Variants in TGIF1 observed in about 807,000 individuals in gnomAD.
The protein encoded by TGIF1 is TGFB induced factor homeobox 1.
In TGIF1, 4 loss-of-function variants were observed where a neutral mutation model predicts 19.3. The ratio of observed to expected loss-of-function variants is 0.21; its 90% confidence interval spans 0.10 to 0.47. The LOEUF is 0.47. TGIF1 is among the 20% of genes least tolerant of loss of function. The probability of loss-of-function intolerance (pLI) is 0.98; values close to 1 mark genes in which losing one functional copy is unlikely to be tolerated. For synonymous variants in TGIF1, 122 were observed against 129.3 expected (o/e 0.94, Z 0.38); for missense variants, 275 against 341.4 (o/e 0.81, Z 1.53).
At chr18:3,427,305 T>C (rs74340893) in intron 2 of TGIF1, among the ~76,000 whole-genome samples, 1 of 149,292 alleles carries the variant, frequency 6.7e-6, no homozygotes, top group Admixed American at 6.7e-5. Context: ...TTTTTTTTTT[T>C]CTTTGAGATG....
intron 2 of TGIF1, among the ~76,000 whole-genome samples, chr18:3,434,947 C>T (rs1415619007): frequency 6.6e-6 from 1 of 152,136 alleles, no homozygotes; most frequent in African/African-American, 2.4e-5. Flanking sequence ...AGTCTTCATT[C>T]TGGCATGGAC....
intron 1 of TGIF1, chr18:3,453,794 G>A: frequency 5.1e-6 from 5 of 985,092 alleles, no homozygotes; most frequent in Non-Finnish European, 6.0e-6. Flanking sequence ...CCTTGTATGT[G>A]GATAGCGTGA....
At chr18:3,446,751 C>T (rs2082753038), upstream of TGIF1, among the ~76,000 whole-genome samples, 1 of 152,150 alleles carries the variant, frequency 6.6e-6, no homozygotes, top group South Asian at 2.1e-4. Context: ...CAGTCCAAGA[C>T]CCTCTGACCT....
intron 1 of TGIF1, 96 bp downstream of exon 1, chr18:3,450,601 C>CGGAA: frequency 6.5e-7 from 1 of 1,545,902 alleles, no homozygotes; most frequent in Non-Finnish European, 8.7e-7. Flanking sequence ...TGGACTTTTC[C>CGGAA]GCCCAGGGGC....
intron 2 of TGIF1, among the ~76,000 whole-genome samples, chr18:3,420,647 A>G (rs569914036): frequency 1.3e-5 from 2 of 152,326 alleles, no homozygotes; most frequent in East Asian, 3.9e-4. Flanking sequence ...GGTGAAAAGT[A>G]AAAGGATGAA....
At chr18:3,431,151 AAAT>A (rs1015198993) in intron 2 of TGIF1, among the ~76,000 whole-genome samples, 2 of 152,330 alleles carry the variant, frequency 1.3e-5, no homozygotes, top group African/African-American at 4.8e-5. Context: ...GCACAGAAAT[AAAT>A]AATAATAGCA....
At chr18:3,418,214 A>C (rs1271338586) in exon 2 of TGIF1, 2 of 152,116 alleles carry the variant, frequency 1.3e-5, no homozygotes, top group African/African-American at 2.4e-5. Flanking sequence ...GGAAAGTCCA[A>C]GGTAAGTAGA....
At position 3,427,822 on chromosome 18, in the gene TGIF1, A is replaced by G. The variant is rs149501754; in HGVS notation, c.-45+9607A>G. On this transcript the variant is annotated intron_variant, in intron 2 of 3. Coordinates refer to the TGIF1 transcript ENST00000401449. The stretch of plus-strand genomic sequence containing the variant: ...GACATGTTGGCCAGGATGGTCTCGA[A>G]CTCTTGACTGCAGGTGATCCGCCTG... 7.3e-4 allele frequency among the ~76,000 whole-genome samples: 111 copies of G among 152,008 alleles called. 2 individuals are homozygous for G. The East Asian group carries it at 0.02, about 28-fold the overall frequency.
chr18:3,439,867 A>C (rs1383922694), intron 2 of TGIF1, among the ~76,000 whole-genome samples: 1 of 151,836 alleles, frequency 6.6e-6, no homozygotes, highest in Non-Finnish European at 1.5e-5. Context: ...AAAAAAATAC[A>C]AAAATCAGCC....
upstream of TGIF1, chr18:3,447,491 A>G (rs1207494813): frequency 1.7e-6 from 1 of 597,186 alleles, no homozygotes; most frequent in Non-Finnish European, 3.0e-6. Context: ...ACCCTAAGCA[A>G]TTGCTGGTAT....
At chr18:3,453,617 C>T (rs1311099523) in intron 1 of TGIF1, among the ~76,000 whole-genome samples, 1 of 142,608 alleles carries the variant, frequency 7.0e-6, no homozygotes, top group African/African-American at 2.7e-5. Flanking sequence ...ACCCTGGAGG[C>T]GGAGGCTGCG....
rs2049404743 is a variant in TGIF1, at chr18:3,457,652, T to C, written c.531T>C (p.Thr177=). 2 of 1,614,112 alleles carry C rather than the reference T, an allele frequency of 1.2e-6. No individual in the cohort carries two copies. The highest frequency in any genetic ancestry group is 1.1e-5 in the South Asian group (1 of 91,092). The change falls in exon 3 of 3, where the codon ACT becomes ACC. Residue 177 remains threonine, a synonymous_variant. Coordinates refer to ENST00000343820, the MANE Select transcript of TGIF1 (RefSeq NM_003244.4). This position sits in a 1 kb window ranked among gnomAD's most constrained non-coding sequence, Gnocchi z 4.9. ...LARPSVICHT[T]VTALKDVPFS... ...GTCCATCAGTGATCTGCCATACCAC[T>C]GTGACTGCATTGAAAGATGTCCCTT...
At chr18:3,430,058 A>C (rs2082527362) in intron 2 of TGIF1, among the ~76,000 whole-genome samples, 1 of 152,244 alleles carries the variant, frequency 6.6e-6, no homozygotes, top group African/African-American at 2.4e-5. Context: ...CGGGAGGCTG[A>C]GGCAGGAGAA....
Position 3,457,558 on chromosome 18 carries a change from C to G in TGIF1, c.437C>G (p.Ala146Gly). ...GAGACCCCATTTCATTCCTGTACAG[C>G]TGGGCCAAACCCAACCCTAGGGAGG... ...LEETPFHSCT[A>G]GPNPTLGRPL... Residue 146 changes from alanine to glycine, a missense_variant, in exon 3 of 3, where the codon GCT becomes GGT. By Grantham distance (60) the Ala-to-Gly change is moderately conservative. Coordinates refer to ENST00000343820, the MANE Select transcript of TGIF1 (RefSeq NM_003244.4). The surrounding 1 kb of genome is among the most constrained non-coding windows in gnomAD (Gnocchi z 4.9). 1 of 1,614,228 alleles carries G rather than the reference C, an allele frequency of 6.2e-7. No homozygotes were observed. The highest frequency in any genetic ancestry group is 1.7e-5 in the Admixed American group (1 of 60,026).
chr18:3,417,371 G>A (rs949513345), intron 1 of TGIF1, among the ~76,000 whole-genome samples: 16 of 151,694 alleles, frequency 1.1e-4, no homozygotes, highest in African/African-American at 3.4e-4. Flanking sequence ...TGTTGGGCAG[G>A]CTGATCTCAA....
upstream of TGIF1, chr18:3,448,247 G>A: frequency 6.1e-6 from 6 of 985,334 alleles, no homozygotes; most frequent in Non-Finnish European, 7.2e-6. Flanking sequence ...GCGTCGCCCA[G>A]CCCCCGGCTC....
chr18:3,431,633 G>C (rs1050170417), intron 2 of TGIF1, among the ~76,000 whole-genome samples: 1 of 151,978 alleles, frequency 6.6e-6, no homozygotes, highest in African/African-American at 2.4e-5. Flanking sequence ...TAGAAGAAAC[G>C]ATGGATGATA....
At chr18:3,452,114 T>C (rs761167003) in intron 1 of TGIF1, 1 of 1,613,800 alleles carries the variant, frequency 6.2e-7, no homozygotes, top group Admixed American at 1.7e-5. Context: ...TTTCCACGGC[T>C]TTTCTGGCGT....
At chr18:3,432,052 C>G (rs1300047846) in intron 2 of TGIF1, among the ~76,000 whole-genome samples, 2 of 148,720 alleles carry the variant, frequency 1.3e-5, no homozygotes. Context: ...GGCTTGAACC[C>G]AGGAGGCGGA....
Sources: allele counts gnomAD v4.1 joint callset (sites outside exome capture counted in the v4.1 genomes callset), GRCh38; gene constraint gnomAD v4.1.1; non-coding constraint Gnocchi (gnomAD v3.1); transcripts MANE v1.5; gene names NCBI Gene and HGNC (gene_info 2026-07-23, HGNC 2026-07-21).